The following INSC variants were observed in gnomAD, a reference collection of about 807,000 sequenced individuals.
The protein encoded by INSC is INSC spindle orientation adaptor protein.
Under a neutral mutation model 58.6 loss-of-function variants are expected in INSC, and 67 were observed. That is an observed-to-expected ratio of 1.14 (90% CI 0.94 to 1.40). The LOEUF (loss-of-function observed/expected upper bound fraction) is 1.40. Among genes scored for constraint, INSC ranks in the 40% most tolerant of loss-of-function variants. INSC has a pLI of 0.00. For synonymous variants in INSC, 262 were observed against 276.1 expected (o/e 0.95, Z 0.51); for missense variants, 714 against 692.0 (o/e 1.03, Z -0.36).
chr11:15,175,524 G>T (rs1432092301), intron 2 of INSC, among the ~76,000 whole-genome samples: 4 of 152,102 alleles, frequency 2.6e-5, no homozygotes, highest in African/African-American at 9.7e-5. Flanking sequence ...CCTGTTGCTT[G>T]TTAGTCTGGT....
intron 11 of INSC, 49 bp from the exon 12 acceptor site, chr11:15,240,398 C>A: frequency 6.5e-7 from 1 of 1,546,910 alleles, no homozygotes; most frequent in Non-Finnish European, 8.9e-7. Flanking sequence ...TGGGTCAGGC[C>A]TGGCTGGGCC....
At chr11:15,119,705 G>A (rs767555474) in intron 1 of INSC, among the ~76,000 whole-genome samples, 4 of 152,212 alleles carry the variant, frequency 2.6e-5, no homozygotes, top group Non-Finnish European at 5.9e-5. Flanking sequence ...TAAAGACACT[G>A]TTGAGGGACA....
chr11:15,176,133 G>A, intron 3 of INSC, 47 bp downstream of exon 3: 3 of 1,427,306 alleles, frequency 2.1e-6, no homozygotes, highest in Non-Finnish European at 2.8e-6. Context: ...AAGTCAGGGT[G>A]CTTTAGAGAA....
chr11:15,114,974 C>T lies in INSC; in HGVS notation c.-75C>T, dbSNP rs1847657020. 3 of 985,372 alleles carry T rather than the reference C, an allele frequency of 3.0e-6. No individual in the cohort carries two copies. The highest frequency in any genetic ancestry group is 6.1e-5 in the Admixed American group (1 of 16,276). 61.0% of individuals were successfully genotyped at this position (985,372 alleles called of 1,614,324 possible). On this transcript the variant is annotated 5_prime_UTR_variant, in exon 1 of 13. Transcript: ENST00000379556. ...AGCTGCGCCCCGCCACCACTGGCCGCTCGCACTACCAGCCTGTCTCGCACG... is the reference window on the plus strand; with the variant it reads ...AGCTGCGCCCCGCCACCACTGGCCGTTCGCACTACCAGCCTGTCTCGCACG...
chr11:15,149,714 G>A (rs1848589949), intron 2 of INSC, among the ~76,000 whole-genome samples: 1 of 152,148 alleles, frequency 6.6e-6, no homozygotes, highest in Non-Finnish European at 1.5e-5. Context: ...CGAGGGGAGA[G>A]GGGCTGGAGA....
chr11:15,139,915 G>T (rs1048643926), intron 1 of INSC, among the ~76,000 whole-genome samples: 1 of 152,202 alleles, frequency 6.6e-6, no homozygotes, highest in Non-Finnish European at 1.5e-5. Flanking sequence ...CTCCCAGAAT[G>T]CCAGTAAGTG....
intron 1 of INSC, among the ~76,000 whole-genome samples, chr11:15,132,428 G>T (rs1471676684): frequency 6.6e-6 from 1 of 152,114 alleles, no homozygotes; most frequent in Non-Finnish European, 1.5e-5. Context: ...TGAAAACACA[G>T]TTAGGAGTCA....
At chr11:15,232,667 T>C (rs1164966428) in intron 9 of INSC, among the ~76,000 whole-genome samples, 1 of 152,128 alleles carries the variant, frequency 6.6e-6, no homozygotes, top group African/African-American at 2.4e-5. Flanking sequence ...CTAGATGCGA[T>C]TGAGTTAAGA....
chr11:15,209,262 T>C (rs570827043), intron 7 of INSC, among the ~76,000 whole-genome samples: 2 of 152,282 alleles, frequency 1.3e-5, no homozygotes, highest in South Asian at 4.1e-4. Flanking sequence ...CTTGCACCCC[T>C]CTGAGCCCCA....
At chr11:15,230,154 T>G (rs1162002510) in intron 9 of INSC, among the ~76,000 whole-genome samples, 1 of 145,006 alleles carries the variant, frequency 6.9e-6, no homozygotes, top group African/African-American at 2.6e-5. Flanking sequence ...GGCACCACTG[T>G]ACTCCAGCCT....
intron 2 of INSC, among the ~76,000 whole-genome samples, chr11:15,150,773 T>G (rs1848624721): frequency 6.6e-6 from 1 of 152,152 alleles, no homozygotes; most frequent in Non-Finnish European, 1.5e-5. Flanking sequence ...TGGGATGCTT[T>G]CATATTTAAA....
chr11:15,112,096 C>G (rs979910730), upstream of INSC, among the ~76,000 whole-genome samples: 2 of 152,216 alleles, frequency 1.3e-5, no homozygotes, highest in Non-Finnish European at 2.9e-5. Flanking sequence ...TGTATACACA[C>G]ATGTATATAT....
downstream of INSC, among the ~76,000 whole-genome samples, chr11:15,248,888 G>T (rs1852620656): frequency 6.6e-6 from 1 of 152,156 alleles, no homozygotes; most frequent in Admixed American, 6.6e-5. Context: ...ATTGAGGGAT[G>T]CTGAGTCACC....
At chr11:15,239,621 T>C (rs1191929950) in intron 11 of INSC, among the ~76,000 whole-genome samples, 1 of 152,170 alleles carries the variant, frequency 6.6e-6, no homozygotes, top group East Asian at 1.9e-4. Context: ...GATATGACAT[T>C]GTCCTGACCC....
At chr11:15,234,857 C>T (rs2133967057) in intron 9 of INSC, among the ~76,000 whole-genome samples, 1 of 152,190 alleles carries the variant, frequency 6.6e-6, no homozygotes, top group Middle Eastern at 3.4e-3. Context: ...TTCCTTAATC[C>T]AGTTTGTGCT....
At chr11:15,178,553 T>C (rs1564887260) in intron 5 of INSC, 106 bp downstream of exon 5, 1 of 1,333,668 alleles carries the variant, frequency 7.5e-7, no homozygotes, top group Non-Finnish European at 1.0e-6. Context: ...ATGTGGACTT[T>C]ATTGGGAAAC....
intron 5 of INSC, among the ~76,000 whole-genome samples, chr11:15,180,687 G>GGA (rs1849740844): frequency 1.0e-5 from 1 of 97,472 alleles, no homozygotes; most frequent in Non-Finnish European, 2.1e-5. Flanking sequence ...AGGAGTGAGG[G>GGA]GGGGGGCGGG....
intron 5 of INSC, among the ~76,000 whole-genome samples, chr11:15,181,314 A>G (rs141637799): frequency 2.9e-4 from 44 of 152,354 alleles, no homozygotes; most frequent in African/African-American, 9.9e-4. Context: ...GCACCTATTT[A>G]CTTCTTCTGA....
intron 6 of INSC, among the ~76,000 whole-genome samples, chr11:15,195,196 G>C (rs888439459): frequency 1.3e-5 from 2 of 152,132 alleles, no homozygotes; most frequent in African/African-American, 4.8e-5. Context: ...TTGGTGCTGT[G>C]GGGGAACAGC....
Sources: gnomAD v4.1 joint callset for allele counts (sites outside exome capture counted in the v4.1 genomes callset) on GRCh38, gnomAD v4.1.1 for gene constraint, MANE v1.5 for transcripts, NCBI Gene and HGNC (gene_info 2026-07-23, HGNC 2026-07-21) for gene names.